Variants in ABCD2 observed in about 807,000 individuals in gnomAD.
The protein encoded by ABCD2 is ATP binding cassette subfamily D member 2.
A neutral mutation model predicts 70.9 loss-of-function variants in ABCD2; 36 were observed. That is an observed-to-expected ratio of 0.51 (90% CI 0.39 to 0.67). The LOEUF is 0.67. ABCD2 is among the 30% of genes least tolerant of loss of function. ABCD2 has a pLI of 0.00. For missense variants in ABCD2, 729 were observed against 890.2 expected, an observed-to-expected ratio of 0.82 and a Z score of 2.30; for synonymous variants, 304 against 306.9, an observed-to-expected ratio of 0.99 and a Z score of 0.10.
At chr12:39,560,819 A>G (rs1160552053) in intron 9 of ABCD2, among the ~76,000 whole-genome samples, 1 of 152,118 alleles carries the variant, frequency 6.6e-6, no homozygotes, top group East Asian at 1.9e-4. Context: ...GCAAAAACAT[A>G]TAATAGGTAC....
intron 7 of ABCD2, among the ~76,000 whole-genome samples, chr12:39,585,797 T>A (rs1020548340): frequency 2.0e-5 from 3 of 152,146 alleles, no homozygotes; most frequent in Non-Finnish European, 2.9e-5. Flanking sequence ...ATTATTTAAT[T>A]TAATGTGAGC....
chr12:39,618,361 T>C (rs1405535698), intron 1 of ABCD2, among the ~76,000 whole-genome samples: 1 of 152,156 alleles, frequency 6.6e-6, no homozygotes, highest in Non-Finnish European at 1.5e-5. Flanking sequence ...ACCTACCAAG[T>C]TGGGATTTAA....
intron 8 of ABCD2, among the ~76,000 whole-genome samples, chr12:39,578,975 A>G (rs1941558775): frequency 1.3e-5 from 2 of 152,182 alleles, no homozygotes; most frequent in South Asian, 4.1e-4. Context: ...GATACATAAA[A>G]ATTTAATTTA....
At position 39,619,434 on chromosome 12, in the gene ABCD2, T is replaced by C. The variant is rs748185349; in HGVS notation, c.182A>G (p.Glu61Gly). ...KKKAAAYPAA[E>G]NTEILHCTET... The stretch of plus-strand genomic sequence containing the variant: ...GGTGCAATGCAGTATTTCTGTGTTC[T>C]CTGCAGCAGGGTAAGCTGCTGCTTT... The change falls in exon 1 of 10, where the codon GAG becomes GGG. Residue 61 changes from glutamate to glycine, a missense_variant. By Grantham distance (98) the Glu-to-Gly change is moderately conservative. This residue lies in a region of ABCD2 where 245 missense variants were observed against 261.2 expected (regional missense o/e 0.94). Transcript: ENST00000308666. The C allele has an allele frequency of 6.2e-7, 1 of 1,614,150 alleles. No individual in the cohort carries two copies. The highest frequency in any genetic ancestry group is 1.7e-5 in the Admixed American group (1 of 60,028).
intron 8 of ABCD2, among the ~76,000 whole-genome samples, chr12:39,574,184 T>G (rs1591977266): frequency 6.6e-6 from 1 of 152,164 alleles, no homozygotes; most frequent in East Asian, 1.9e-4. Flanking sequence ...GTGAGAAGGG[T>G]CTGACTAACT....
At chr12:39,567,238 C>T (rs906578658) in intron 9 of ABCD2, among the ~76,000 whole-genome samples, 1 of 152,060 alleles carries the variant, frequency 6.6e-6, no homozygotes, top group Non-Finnish European at 1.5e-5. Context: ...GGGTGTTAAA[C>T]TCTCCCAATA....
chr12:39,545,625 A>G (rs983262220), downstream of ABCD2, among the ~76,000 whole-genome samples: 7 of 152,138 alleles, frequency 4.6e-5, no homozygotes, highest in Non-Finnish European at 1.0e-4. Flanking sequence ...AGGCTCTATT[A>G]TTGGTGAAAA....
At chr12:39,592,268 A>C (rs938627205) in intron 6 of ABCD2, among the ~76,000 whole-genome samples, 1 of 152,240 alleles carries the variant, frequency 6.6e-6, no homozygotes, top group Admixed American at 6.5e-5. Context: ...AAAAAAGGAC[A>C]TGTTAAATGA....
chr12:39,556,521 C>G (rs772375960), intron 9 of ABCD2, among the ~76,000 whole-genome samples: 1 of 152,068 alleles, frequency 6.6e-6, no homozygotes, highest in Non-Finnish European at 1.5e-5. Context: ...CCTTTCTTCC[C>G]GTTTGCCTTC....
chr12:39,617,783 C>A (rs1029109344), intron 1 of ABCD2, among the ~76,000 whole-genome samples: 3 of 152,084 alleles, frequency 2.0e-5, no homozygotes, highest in African/African-American at 7.2e-5. Flanking sequence ...AATAATTCTG[C>A]TTGGTGATTG....
At chr12:39,532,537 A>G in the ABCD2 span, among the ~76,000 whole-genome samples, 1 of 152,204 alleles carries the variant, frequency 6.6e-6, no homozygotes, top group Admixed American at 6.5e-5. Context: ...TCTTTTTGGA[A>G]GAAGATCTGG....
At chr12:39,601,656 T>C (rs957199872) in intron 5 of ABCD2, among the ~76,000 whole-genome samples, 1 of 151,974 alleles carries the variant, frequency 6.6e-6, no homozygotes, top group South Asian at 2.1e-4. Context: ...AAAATAAATA[T>C]CAGAAATTTA....
chr12:39,545,810 T>C (rs543800897), downstream of ABCD2, among the ~76,000 whole-genome samples: 3 of 152,110 alleles, frequency 2.0e-5, no homozygotes, highest in Admixed American at 6.6e-5. Flanking sequence ...ATAGTAAGAG[T>C]ATAGGATCTA....
the ABCD2 span, among the ~76,000 whole-genome samples, chr12:39,541,627 A>G: frequency 6.6e-6 from 1 of 152,358 alleles, no homozygotes; most frequent in East Asian, 1.9e-4. Context: ...GGAAAAGGTC[A>G]CTGGCTACTG....
At chr12:39,607,457 G>T in intron 3 of ABCD2, 142 bp downstream of exon 3, 2 of 620,610 alleles carry the variant, frequency 3.2e-6, no homozygotes, top group Non-Finnish European at 2.8e-6. Context: ...GTGAATTGCT[G>T]CCCTTAATCT....
intron 4 of ABCD2, 70 bp downstream of exon 4, chr12:39,604,692 C>A: frequency 7.9e-7 from 1 of 1,267,084 alleles, no homozygotes; most frequent in Non-Finnish European, 1.1e-6. Context: ...TAAAAGCTAC[C>A]TTCTTAAACT....
intron 6 of ABCD2, among the ~76,000 whole-genome samples, chr12:39,590,940 C>T (rs1162885225): frequency 6.6e-6 from 1 of 151,490 alleles, no homozygotes; most frequent in East Asian, 1.9e-4. Flanking sequence ...CAATTCAAAT[C>T]CAGAGGAGAA....
the ABCD2 span, among the ~76,000 whole-genome samples, chr12:39,539,236 G>C: frequency 6.6e-6 from 1 of 152,106 alleles, no homozygotes. Context: ...CAACACTTTC[G>C]ACACAGAATA....
At chr12:39,586,391 T>A in intron 6 of ABCD2, 94 bp from the exon 7 acceptor site, 1 of 1,236,064 alleles carries the variant, frequency 8.1e-7, no homozygotes, top group Non-Finnish European at 1.1e-6. Context: ...CAGTGAAGAC[T>A]TTAAACACTA....
Sources: allele counts gnomAD v4.1 joint callset (sites outside exome capture counted in the v4.1 genomes callset), GRCh38; gene constraint gnomAD v4.1.1; regional missense constraint gnomAD v4.1.1; transcripts MANE v1.5; gene names NCBI Gene and HGNC (gene_info 2026-07-23, HGNC 2026-07-21).